Variants in ADAMTS18 observed in about 807,000 individuals in gnomAD.
The protein encoded by ADAMTS18 is ADAM metallopeptidase with thrombospondin type 1 motif 18, also known as A disintegrin and metalloproteinase with thrombospondin motifs 18.
In ADAMTS18, 157 loss-of-function variants were observed where a neutral mutation model predicts 165.9. That is an observed-to-expected ratio of 0.95 (90% CI 0.83 to 1.08). The LOEUF (loss-of-function observed/expected upper bound fraction) is 1.08, where lower values mean the gene tolerates loss of function less well. Ranked by LOEUF, ADAMTS18 falls within the 50% of genes least tolerant of loss-of-function variation. The pLI is 0.00. For synonymous variants in ADAMTS18, 782 were observed against 578.2 expected (o/e 1.35, Z -5.06); for missense variants, 2,040 against 1,534.0 (o/e 1.33, Z -5.51).
chr16:77,320,108 G>T lies in ADAMTS18; in HGVS notation c.2288-15C>A. The T allele has an allele frequency of 6.2e-7, 1 of 1,614,034 alleles. No homozygotes were observed. The highest frequency in any genetic ancestry group is 1.1e-5 in the South Asian group (1 of 91,040). ...CGGATAATATTCTAAATGGAAAGAA[G>T]AGAACATGTCTGAATTCCACCCCAT... On this transcript the variant is annotated splice_polypyrimidine_tract_variant and intron_variant, in intron 15 of 22. Transcript: ENST00000282849.
rs542923927 is a variant in ADAMTS18, at chr16:77,321,141, T to C, written c.2225A>G (p.Lys742Arg). The change falls in exon 15 of 23, where the codon AAA (lysine) becomes AGA (arginine). Residue 742 changes from lysine (K) to arginine (R), a missense_variant. Physicochemically the swap from Lys to Arg is conservative, Grantham distance 26. Transcript: ENST00000282849. ...KAVSDACGVC[K>R]GDNSTCKFYK... The stretch of plus-strand genomic sequence containing the variant: ...AAACTTGCAAGTTGAATTATCACCT[T>C]TGCAAACGCCACAAGCATCTGAAAC... 12 of 1,614,178 alleles carry C rather than the reference T, an allele frequency of 7.4e-6. No homozygotes were observed. The highest frequency in any genetic ancestry group is 6.7e-5 in the African/African-American group (5 of 75,042).
intron 21 of ADAMTS18, chr16:77,290,922 C>T: frequency 3.4e-6 from 1 of 295,402 alleles, no homozygotes; most frequent in Non-Finnish European, 6.5e-6. Context: ...CTGTGAGCAG[C>T]ATTTCTAAAA....
At chr16:77,425,237 C>T (rs1056010047) in intron 3 of ADAMTS18, among the ~76,000 whole-genome samples, 1 of 152,110 alleles carries the variant, frequency 6.6e-6, no homozygotes, top group African/African-American at 2.4e-5. Context: ...GGGAGAAACG[C>T]CACTTACGGT....
intron 3 of ADAMTS18, among the ~76,000 whole-genome samples, chr16:77,374,163 G>A (rs1183326389): frequency 1.3e-5 from 2 of 149,900 alleles, no homozygotes; most frequent in Non-Finnish European, 2.9e-5. Flanking sequence ...AGTTTGCAGC[G>A]CACTGAGATT....
In ADAMTS18 at chr16:77,400,488, T is replaced by G. The variant is rs561330970; in HGVS notation, c.495+30807A>C. ...TGTGTGTGTGTGTGTGTGTTTTGTT[T>G]TTTTTTTTTTTGAGACGGAGTCTCG... is the stretch of plus-strand genomic sequence containing the variant. On this transcript the variant is annotated intron_variant, in intron 3 of 22. Transcript: ENST00000282849. Among the ~76,000 whole-genome samples the G allele has an allele frequency of 8.8e-5, 13 of 147,214 alleles. 1 individual carries two copies. The highest frequency in any genetic ancestry group is 4.2e-4 in the South Asian group (2 of 4,706).
intron 3 of ADAMTS18, among the ~76,000 whole-genome samples, chr16:77,370,790 G>GAT (rs148727471): frequency 0.098 from 14,404 of 146,780 alleles, 810 homozygotes; most frequent in East Asian, 0.26. Flanking sequence ...TAATAGCTAC[G>GAT]ATATATATAT....
In ADAMTS18 at chr16:77,431,497, T is replaced by G. The variant is rs761060192; in HGVS notation, c.293A>C (p.His98Pro). 12 of 1,614,222 alleles carry G rather than the reference T, an allele frequency of 7.4e-6. No homozygotes were observed. Among genetic ancestry groups the G allele is most frequent in the Non-Finnish European group, 1.0e-5 (12 of 1,180,026 alleles). Reference sequence around the variant, plus strand: ...CTGTCCAAATGCTGAAAATCGGTAGTGCAGGGAGCTTCTGGCATTCTGCGC... The same window carrying G: ...CTGTCCAAATGCTGAAAATCGGTAGGGCAGGGAGCTTCTGGCATTCTGCGC... The part of the protein sequence containing the change: ...RSAQNARSSL[H>P]YRFSAFGQEL... Residue 98 changes from histidine to proline, a missense_variant, in exon 3 of 23, where the codon CAC becomes CCC. Physicochemically the swap from His to Pro is moderately conservative, Grantham distance 77 (BLOSUM62 -2). Coordinates refer to ENST00000282849, the MANE Select transcript of ADAMTS18 (RefSeq NM_199355.4).
At chr16:77,360,187 G>A (rs1419444328) in intron 7 of ADAMTS18, among the ~76,000 whole-genome samples, 1 of 152,130 alleles carries the variant, frequency 6.6e-6, no homozygotes, top group Non-Finnish European at 1.5e-5. Context: ...AGATCAGCTG[G>A]GAAATCTAAT....
chr16:77,368,008 C>T (rs570424564), intron 3 of ADAMTS18, among the ~76,000 whole-genome samples: 1 of 152,286 alleles, frequency 6.6e-6, no homozygotes, highest in South Asian at 2.1e-4. Context: ...TCTGGAGTAG[C>T]TGAGACTACA....
chr16:77,368,318 C>G (rs1055458976), intron 3 of ADAMTS18, among the ~76,000 whole-genome samples: 1 of 152,170 alleles, frequency 6.6e-6, no homozygotes, highest in Non-Finnish European at 1.5e-5. Context: ...GAGCCATGGA[C>G]ATTCTGCTGC....
intron 9 of ADAMTS18, 79 bp from the exon 10 acceptor site, chr16:77,353,965 A>G (rs762259702): frequency 6.5e-7 from 1 of 1,542,514 alleles, no homozygotes; most frequent in Middle Eastern, 1.7e-4. Context: ...TTCTGAATGC[A>G]TTCATGCAAA....
intron 4 of ADAMTS18, among the ~76,000 whole-genome samples, chr16:77,365,756 G>GT (rs1318783230): frequency 6.6e-6 from 1 of 152,190 alleles, no homozygotes; most frequent in Non-Finnish European, 1.5e-5. Flanking sequence ...GTTTAGTACT[G>GT]TAACACTGGT....
At chr16:77,353,312 A>T (rs959319959) in intron 10 of ADAMTS18, among the ~76,000 whole-genome samples, 3 of 152,208 alleles carry the variant, frequency 2.0e-5, no homozygotes, top group East Asian at 1.9e-4. Flanking sequence ...AGACAATATT[A>T]AAAAAGCTAG....
chr16:77,403,110 G>A lies in ADAMTS18; in HGVS notation c.495+28185C>T, dbSNP rs9932003. On this transcript the variant is annotated intron_variant, in intron 3 of 22. Coordinates refer to ENST00000282849, the MANE Select transcript of ADAMTS18 (RefSeq NM_199355.4). ...AATTTCATACTCACTATAACGATGT[G>A]ACAGATAATAATGTCAAATTTGTAG... Among the ~76,000 whole-genome samples the A allele has an allele frequency of 4.5e-3, 678 of 152,236 alleles. 9 individuals carry two copies. Among genetic ancestry groups the A allele is most frequent in the African/African-American group, 0.016 (655 of 41,530 alleles).
At chr16:77,339,651 C>T (rs1332231939) in intron 11 of ADAMTS18, among the ~76,000 whole-genome samples, 2 of 150,530 alleles carry the variant, frequency 1.3e-5, no homozygotes, top group African/African-American at 4.9e-5. Flanking sequence ...AGTTGTGATG[C>T]CTCAAAAGTA....
intron 13 of ADAMTS18, among the ~76,000 whole-genome samples, chr16:77,323,031 G>A (rs1476672324): frequency 1.3e-5 from 2 of 152,122 alleles, no homozygotes; most frequent in Non-Finnish European, 2.9e-5. Flanking sequence ...TAAAAATGAA[G>A]AGAAAGCAAA....
At chr16:77,336,668 T>C (rs2056315803) in intron 11 of ADAMTS18, among the ~76,000 whole-genome samples, 1 of 152,218 alleles carries the variant, frequency 6.6e-6, no homozygotes, top group Non-Finnish European at 1.5e-5. Context: ...AGCTTTTTTC[T>C]GTATTAACCT....
chr16:77,311,275 A>AT (rs1349724110), intron 16 of ADAMTS18, among the ~76,000 whole-genome samples: 2 of 152,194 alleles, frequency 1.3e-5, no homozygotes, highest in African/African-American at 2.4e-5. Flanking sequence ...ATGGAACAGC[A>AT]TTTTTCATTT....
intron 13 of ADAMTS18, among the ~76,000 whole-genome samples, chr16:77,323,557 C>CT (rs34433387): frequency 1.6e-3 from 226 of 141,098 alleles, no homozygotes; most frequent in Middle Eastern, 7.3e-3. Context: ...TAGAAAGTTC[C>CT]TTTTTTTTTT....
Sources: allele counts gnomAD v4.1 joint callset (sites outside exome capture counted in the v4.1 genomes callset), GRCh38; gene constraint gnomAD v4.1.1; transcripts MANE v1.5; gene names NCBI Gene and HGNC (gene_info 2026-07-23, HGNC 2026-07-21).